TNNI3K: variants seen among roughly 807,000 people sequenced by gnomAD.
TNNI3K encodes the protein TNNI3 interacting kinase, also known as serine/threonine-protein kinase TNNI3K.
In TNNI3K, 140 loss-of-function variants were observed where a neutral mutation model predicts 114.5. The observed-to-expected ratio is 1.22, with a 90% CI of 1.07 to 1.41. The LOEUF (loss-of-function observed/expected upper bound fraction) is 1.41. Ranked by LOEUF, TNNI3K falls within the 40% of genes most tolerant of loss-of-function variation. The probability of loss-of-function intolerance (pLI) is 0.00; values close to 1 mark genes in which losing one functional copy is unlikely to be tolerated. For missense variants in TNNI3K, 1,125 were observed against 1,007.6 expected, an observed-to-expected ratio of 1.12 and a Z score of -1.58; for synonymous variants, 347 against 347.5, an observed-to-expected ratio of 1.00 and a Z score of 0.02.
intron 5 of TNNI3K, among the ~76,000 whole-genome samples, chr1:74,278,972 C>G (rs1009648192): frequency 4.0e-5 from 6 of 151,454 alleles, no homozygotes; most frequent in Non-Finnish European, 8.8e-5. Context: ...CTTTATTTAG[C>G]AAAACAGAAA....
chr1:74,473,038 A>G (rs1668013677), intron 21 of TNNI3K, among the ~76,000 whole-genome samples: 1 of 152,120 alleles, frequency 6.6e-6, no homozygotes, highest in African/African-American at 2.4e-5. Flanking sequence ...GAAGAAGGAA[A>G]CTTGTACTGG....
At chr1:74,508,017 A>C (rs1043204084) in intron 23 of TNNI3K, among the ~76,000 whole-genome samples, 2 of 152,204 alleles carry the variant, frequency 1.3e-5, no homozygotes, top group Non-Finnish European at 2.9e-5. Flanking sequence ...ATAGACCCCA[A>C]ATGTATTATA....
At chr1:74,446,163 A>G (rs1474141455) in intron 20 of TNNI3K, among the ~76,000 whole-genome samples, 5 of 152,086 alleles carry the variant, frequency 3.3e-5, no homozygotes, top group African/African-American at 1.2e-4. Context: ...CCAACAGTGT[A>G]AAAGTGTTCC....
intron 21 of TNNI3K, chr1:74,471,190 G>A: frequency 2.5e-6 from 1 of 400,730 alleles, no homozygotes; most frequent in Non-Finnish European, 4.4e-6. Context: ...CAAGTTGTTA[G>A]CACTGAGCAG....
intron 10 of TNNI3K, 138 bp from the exon 11 acceptor site, chr1:74,353,842 A>G (rs1018719055): frequency 1.6e-6 from 2 of 1,245,646 alleles, no homozygotes; most frequent in Non-Finnish European, 2.2e-6. Flanking sequence ...TAATAAAATT[A>G]GTTCTTTATC....
intron 23 of TNNI3K, among the ~76,000 whole-genome samples, chr1:74,516,650 T>C (rs908447791): frequency 1.3e-5 from 2 of 152,112 alleles, no homozygotes; most frequent in Non-Finnish European, 2.9e-5. Flanking sequence ...CAACAGTAAG[T>C]GGCATGGTCA....
At chr1:74,336,200 C>T in intron 7 of TNNI3K, 51 bp downstream of exon 7, 1 of 1,554,682 alleles carries the variant, frequency 6.4e-7, no homozygotes, top group Non-Finnish European at 8.6e-7. Flanking sequence ...TTATGTATAC[C>T]TTTTACTTGT....
At chr1:74,429,523 G>A (rs1665794909) in intron 17 of TNNI3K, among the ~76,000 whole-genome samples, 1 of 152,090 alleles carries the variant, frequency 6.6e-6, no homozygotes, top group Non-Finnish European at 1.5e-5. Context: ...TTCATGAGGG[G>A]TTTTCAAGGA....
At chr1:74,310,869 T>A (rs1016915169) in intron 5 of TNNI3K, among the ~76,000 whole-genome samples, 1 of 152,164 alleles carries the variant, frequency 6.6e-6, no homozygotes. Context: ...TTTTAGATAC[T>A]TCTTGTTCAC....
intron 6 of TNNI3K, among the ~76,000 whole-genome samples, chr1:74,332,591 T>A (rs1020630133): frequency 2.6e-5 from 4 of 152,138 alleles, no homozygotes; most frequent in Admixed American, 1.3e-4. Context: ...TGAGCCACCA[T>A]GCCCAGCCTA....
chr1:74,363,971 GTATTATTATTATTAT>G (rs368456076), intron 11 of TNNI3K, among the ~76,000 whole-genome samples: 2 of 135,504 alleles, frequency 1.5e-5, no homozygotes, highest in Non-Finnish European at 3.1e-5. Flanking sequence ...CAGATGAGGG[GTATTATTATTATTAT>G]TATTATTATT....
At chr1:74,449,332 T>C (rs1035502059) in intron 20 of TNNI3K, among the ~76,000 whole-genome samples, 4 of 151,454 alleles carry the variant, frequency 2.6e-5, no homozygotes, top group East Asian at 2.0e-4. Flanking sequence ...TTTTTTATTG[T>C]GTCTATTTGA....
chr1:74,354,253 C>G, intron 11 of TNNI3K, 124 bp downstream of exon 11: 1 of 1,477,802 alleles, frequency 6.8e-7, no homozygotes, highest in South Asian at 1.4e-5. Flanking sequence ...GTAGATTTTA[C>G]TTGAGTTTCT....
chr1:74,444,244 T>C (rs754880402), intron 20 of TNNI3K, among the ~76,000 whole-genome samples: 6 of 152,164 alleles, frequency 3.9e-5, no homozygotes, highest in Admixed American at 1.3e-4. Flanking sequence ...ATGACATGAT[T>C]CTATGTCAAG....
intron 4 of TNNI3K, among the ~76,000 whole-genome samples, chr1:74,253,148 G>A (rs1381225910): frequency 6.6e-6 from 1 of 152,144 alleles, no homozygotes; most frequent in East Asian, 1.9e-4. Context: ...GCTAGACACA[G>A]GGTGCTGATG....
intron 2 of TNNI3K, 144 bp from the exon 3 acceptor site, chr1:74,249,315 A>T (rs756921709): frequency 1.9e-5 from 15 of 799,690 alleles, no homozygotes; most frequent in Non-Finnish European, 2.7e-5. Context: ...AGAGGGTTCA[A>T]GATTCTTTCT....
chr1:74,350,295 T>G (rs1243480860), intron 9 of TNNI3K, among the ~76,000 whole-genome samples: 1 of 152,228 alleles, frequency 6.6e-6, no homozygotes, highest in African/African-American at 2.4e-5. Flanking sequence ...TGTGAGTTAC[T>G]TAATCCTGAG....
chr1:74,283,311 GC>G lies in TNNI3K; in HGVS notation c.444+11604del, dbSNP rs370326134. ...AGGTGAAAAAGCAATCTACTACTCTGCAGGCTTTTGGTCTGGAGATAAACAC... is the reference window on the plus strand; with the variant it reads ...AGGTGAAAAAGCAATCTACTACTCTGAGGCTTTTGGTCTGGAGATAAACAC... On this transcript the variant is annotated intron_variant, in intron 5 of 24. Transcript: ENST00000326637. Among the ~76,000 whole-genome samples, 65 of 152,248 alleles carry G rather than the reference GC, an allele frequency of 4.3e-4. No individual in the cohort carries two copies. In the East Asian group the frequency reaches 0.012, roughly 27 times the overall value.
At chr1:74,494,662 G>A (rs1669240241) in intron 23 of TNNI3K, among the ~76,000 whole-genome samples, 1 of 152,206 alleles carries the variant, frequency 6.6e-6, no homozygotes, top group Admixed American at 6.5e-5. Flanking sequence ...TGAGACAGAG[G>A]TTAAGAGGAT....
Sources: allele counts gnomAD v4.1 joint callset (sites outside exome capture counted in the v4.1 genomes callset), GRCh38; gene constraint gnomAD v4.1.1; transcripts MANE v1.5; gene names NCBI Gene and HGNC (gene_info 2026-07-23, HGNC 2026-07-21).